The following ATP7B variants were observed in gnomAD, a reference collection of about 807,000 sequenced individuals.
ATP7B encodes the protein ATPase copper transporting beta, also known as copper-transporting ATPase 2.
ATP7B carries 113 observed loss-of-function variants against 118.9 expected under a neutral mutation model. The observed-to-expected ratio is 0.95, with a 90% CI of 0.82 to 1.11. ATP7B has a LOEUF of 1.11. Ranked by LOEUF, ATP7B falls within the 50% of genes most tolerant of loss-of-function variation. The pLI, the probability that ATP7B is intolerant of heterozygous loss-of-function variation, is 0.00. For missense variants in ATP7B, 1,867 were observed against 1,871.4 expected, an observed-to-expected ratio of 1.00 and a Z score of 0.04; for synonymous variants, 777 against 727.4, an observed-to-expected ratio of 1.07 and a Z score of -1.10.
chr13:51,967,017 T>G, intron 4 of ATP7B: 2 of 1,612,536 alleles, frequency 1.2e-6, no homozygotes, highest in Non-Finnish European at 1.7e-6. Flanking sequence ...TTACAGATGG[T>G]GCATTGGTTC....
At chr13:51,942,598 G>A (rs768717223) in intron 14 of ATP7B, 44 bp from the exon 15 acceptor site, 7 of 1,611,452 alleles carry the variant, frequency 4.3e-6, no homozygotes, top group Non-Finnish European at 5.9e-6. Context: ...TAAGCCAAGA[G>A]GGGTGAAGTG....
At chr13:51,939,327 T>A in intron 16 of ATP7B, 134 bp from the exon 17 acceptor site, 1 of 1,393,462 alleles carries the variant, frequency 7.2e-7, no homozygotes, top group South Asian at 1.2e-5. Flanking sequence ...CACAATGTGG[T>A]TTTTTTGCTT....
chr13:51,972,194 C>T (rs1951874624), intron 2 of ATP7B, among the ~76,000 whole-genome samples: 1 of 152,172 alleles, frequency 6.6e-6, no homozygotes, highest in Non-Finnish European at 1.5e-5. Flanking sequence ...GGTCTCCACC[C>T]TTACCAGCAG....
At chr13:51,967,712 T>G (rs1951633959) in intron 4 of ATP7B, among the ~76,000 whole-genome samples, 1 of 152,192 alleles carries the variant, frequency 6.6e-6, no homozygotes, top group Non-Finnish European at 1.5e-5. Flanking sequence ...ACAAAGGAAG[T>G]AGAAACCCTC....
At position 51,944,303 on chromosome 13, in the gene ATP7B, A is replaced by T. The variant is rs1045194246; in HGVS notation, c.3061-12T>A. 2.5e-6 allele frequency: 4 copies of T among 1,613,692 alleles called. No individual in the cohort carries two copies. Among genetic ancestry groups the T allele is most frequent in the Non-Finnish European group, 8.5e-7 (1 of 1,179,980 alleles). On this transcript the variant is annotated splice_polypyrimidine_tract_variant and intron_variant, in intron 13 of 20. Transcript: ENST00000242839. ...ATCACAGTCTTTATCTGCCAAAAAC[A>T]ACCACAACTCACTGACCACAATACA...
Position 51,935,044 on chromosome 13 carries a change from C to G in ATP7B, c.4125-15G>C. The G allele has an allele frequency of 6.2e-7, 1 of 1,613,590 alleles. No homozygotes were observed. The highest frequency in any genetic ancestry group is 8.5e-7 in the Non-Finnish European group (1 of 1,179,986). ...GCTTCTTATAGCTGGAAAGCAGGAA[C>G]GCAACAGCATCTGAGCCATTCTAGA... On this transcript the variant is annotated splice_polypyrimidine_tract_variant and intron_variant, in intron 20 of 20. Transcript: ENST00000242839.
At chr13:51,941,020 C>T in intron 16 of ATP7B, 61 bp downstream of exon 16, 2 of 1,609,380 alleles carry the variant, frequency 1.2e-6, no homozygotes, top group South Asian at 1.1e-5. Context: ...ACTCTTTTGC[C>T]TGATATCTGC....
chr13:51,935,111 A>C, intron 20 of ATP7B, 82 bp from the exon 21 acceptor site: 174 of 1,533,748 alleles, frequency 1.1e-4, no homozygotes, highest in Middle Eastern at 2.0e-4. Flanking sequence ...AAGGCCTCTC[A>C]TCCATCTTTT....
intron 1 of ATP7B, among the ~76,000 whole-genome samples, chr13:51,999,816 C>A (rs1242348311): frequency 1.3e-5 from 2 of 152,158 alleles, no homozygotes; most frequent in African/African-American, 4.8e-5. Context: ...GTCCAACTAC[C>A]CCCTAGTCCG....
chr13:51,950,475 A>T, intron 9 of ATP7B, 76 bp from the exon 10 acceptor site: 1 of 1,592,440 alleles, frequency 6.3e-7, no homozygotes, highest in Admixed American at 1.7e-5. Context: ...AGCTGTTACA[A>T]TAGTTACACT....
chr13:51,999,600 C>A (rs1953390064), intron 1 of ATP7B, among the ~76,000 whole-genome samples: 1 of 152,210 alleles, frequency 6.6e-6, no homozygotes, highest in African/African-American at 2.4e-5. Flanking sequence ...ACAGTTCATT[C>A]CATGCACCTT....
chr13:51,972,129 C>T (rs1951872090), intron 2 of ATP7B, among the ~76,000 whole-genome samples: 1 of 152,186 alleles, frequency 6.6e-6, no homozygotes, highest in Non-Finnish European at 1.5e-5. Flanking sequence ...CAGCATTTCT[C>T]TCAACCATCT....
intron 1 of ATP7B, among the ~76,000 whole-genome samples, chr13:51,980,254 C>T (rs1952350877): frequency 6.6e-6 from 1 of 152,172 alleles, no homozygotes; most frequent in South Asian, 2.1e-4. Flanking sequence ...TTCTGCACTC[C>T]TTACGGACAG....
At chr13:51,954,142 G>A (rs1252941106) in intron 9 of ATP7B, among the ~76,000 whole-genome samples, 1 of 152,190 alleles carries the variant, frequency 6.6e-6, no homozygotes, top group East Asian at 1.9e-4. Context: ...AAGGCAAGGA[G>A]CCAGGCAAAG....
chr13:51,992,979 C>CAAAAAAAAAAAAAA (rs58319382), intron 1 of ATP7B, among the ~76,000 whole-genome samples: 1 of 62,932 alleles, frequency 1.6e-5, no homozygotes, highest in African/African-American at 7.4e-5. Context: ...GACTCTGTCT[C>CAAAAAAAAAAAAAA]AAAAAAAAAA....
At chr13:51,945,066 G>A (rs1340240967) in intron 13 of ATP7B, among the ~76,000 whole-genome samples, 4 of 128,220 alleles carry the variant, frequency 3.1e-5, no homozygotes, top group Non-Finnish European at 1.7e-5. Flanking sequence ...TGTTTCTGAT[G>A]CTGAGCGGTG....
At position 51,961,900 on chromosome 13, in the gene ATP7B, T is replaced by C. The variant is rs528763888; in HGVS notation, c.1883A>G (p.His628Arg). 196 of 1,613,808 alleles carry C rather than the reference T, an allele frequency of 1.2e-4. 2 individuals are homozygous for C. The South Asian group carries it at 2.0e-3, about 17-fold the overall frequency. Reference protein sequence around the residue: ...IIKIIEEIGFHASLAQRNPNA... With the variant: ...IIKIIEEIGFRASLAQRNPNA... ...GGGGTTTCTCTGGGCCAGGGAAGCATGAAAGCCAATTTCCTTGTCATTAAA... is the reference window on the plus strand; with the variant it reads ...GGGGTTTCTCTGGGCCAGGGAAGCACGAAAGCCAATTTCCTTGTCATTAAA... Residue 628 changes from histidine (H) to arginine (R), a missense_variant, in exon 6 of 21, where the codon CAT becomes CGT. Transcript: ENST00000242839.
At chr13:51,949,199 C>T (rs1382182834) in intron 12 of ATP7B, among the ~76,000 whole-genome samples, 1 of 151,996 alleles carries the variant, frequency 6.6e-6, no homozygotes, top group Non-Finnish European at 1.5e-5. Context: ...AATAAATAAA[C>T]AAACAAACAT....
intron 9 of ATP7B, among the ~76,000 whole-genome samples, chr13:51,956,186 G>A (rs748037889): frequency 2.6e-5 from 4 of 152,150 alleles, no homozygotes; most frequent in East Asian, 1.9e-4. Flanking sequence ...GTGCCACCGC[G>A]CAGCAGCCAG....
Sources: gnomAD v4.1 joint callset for allele counts (sites outside exome capture counted in the v4.1 genomes callset) on GRCh38, gnomAD v4.1.1 for gene constraint, MANE v1.5 for transcripts, NCBI Gene and HGNC (gene_info 2026-07-23, HGNC 2026-07-21) for gene names.